CLIC4: variants seen among roughly 807,000 people sequenced by gnomAD.
CLIC4 encodes chloride intracellular channel protein 4.
A neutral mutation model predicts 24.6 loss-of-function variants in CLIC4; 13 were observed. The ratio of observed to expected loss-of-function variants is 0.53; its 90% confidence interval spans 0.34 to 0.84. The LOEUF (loss-of-function observed/expected upper bound fraction) is 0.84. Ranked by LOEUF, CLIC4 falls within the 40% of genes least tolerant of loss-of-function variation. The pLI, the probability that CLIC4 is intolerant of heterozygous loss-of-function variation, is 0.01. For synonymous variants in CLIC4, 104 were observed against 111.3 expected (o/e 0.93, Z 0.41); for missense variants, 227 against 301.7 (o/e 0.75, Z 1.83).
chr1:24,759,872 G>A (rs548804385), intron 1 of CLIC4, among the ~76,000 whole-genome samples: 3 of 152,136 alleles, frequency 2.0e-5, no homozygotes, highest in East Asian at 1.9e-4. Context: ...AGGATCACCT[G>A]AACCTTGGGA....
At chr1:24,801,088 G>T (rs201963708) in intron 2 of CLIC4, among the ~76,000 whole-genome samples, 2 of 115,900 alleles carry the variant, frequency 1.7e-5, no homozygotes, top group Non-Finnish European at 3.8e-5. Context: ...AAAAAAAAAA[G>T]AATAGTTGTA....
chr1:24,840,162 G>C, intron 5 of CLIC4, 121 bp downstream of exon 5: 1 of 886,340 alleles, frequency 1.1e-6, no homozygotes, highest in Non-Finnish European at 1.7e-6. Context: ...ACTCAATGCT[G>C]TTTAGGCAAT....
At position 24,842,328 on chromosome 1, in the gene CLIC4, C is replaced by CA. The variant is rs1432218796; in HGVS notation, c.*1395dup. 3 of 152,106 alleles carry CA rather than the reference C, an allele frequency of 2.0e-5. No individual in the cohort carries two copies. The highest frequency in any genetic ancestry group is 4.4e-5 in the Non-Finnish European group (3 of 68,000). 9.4% of individuals were successfully genotyped at this position (152,106 alleles called of 1,614,324 possible). The stretch of plus-strand genomic sequence containing the variant: ...TATGTATTTACTCTTTTTTAAAAGA[C>CA]AAAAGCAAAACCAGACTTTCTACGT... On this transcript the variant is annotated 3_prime_UTR_variant, in exon 6 of 6. Coordinates refer to ENST00000374379, the MANE Select transcript of CLIC4 (RefSeq NM_013943.3).
chr1:24,805,444 C>G (rs1489166145), intron 2 of CLIC4, among the ~76,000 whole-genome samples: 4 of 151,998 alleles, frequency 2.6e-5, no homozygotes, highest in Admixed American at 2.6e-4. Flanking sequence ...TTCTGGTTCT[C>G]TGGTGTTAAC....
intron 1 of CLIC4, among the ~76,000 whole-genome samples, chr1:24,790,848 A>G (rs1208498162): frequency 6.6e-6 from 1 of 152,148 alleles, no homozygotes; most frequent in Admixed American, 6.5e-5. Context: ...AAAAAGTTAT[A>G]TATATGTGAT....
At chr1:24,763,773 C>T (rs1159166796) in intron 1 of CLIC4, among the ~76,000 whole-genome samples, 1 of 152,118 alleles carries the variant, frequency 6.6e-6, no homozygotes, top group Non-Finnish European at 1.5e-5. Flanking sequence ...TGTAAATCTC[C>T]ATTTAAATGT....
In CLIC4 at chr1:24,780,956, G is replaced by A. The variant is rs187328968; in HGVS notation, c.73-16786G>A. On this transcript the variant is annotated intron_variant, in intron 1 of 5. Coordinates refer to ENST00000374379, the MANE Select transcript of CLIC4 (RefSeq NM_013943.3). ...TACAAAACTAGCTGGGCACGGTGGC[G>A]CATGCCTGTAATCCCAGCTACTCGG... 3.4e-3 allele frequency among the ~76,000 whole-genome samples: 510 copies of A among 151,632 alleles called. 1 individual carries two copies. The highest frequency in any genetic ancestry group is 4.5e-3 in the Non-Finnish European group (303 of 67,864).
At chr1:24,799,436 GA>G (rs767934383) in intron 2 of CLIC4, among the ~76,000 whole-genome samples, 2 of 150,562 alleles carry the variant, frequency 1.3e-5, no homozygotes, top group Non-Finnish European at 3.0e-5. Context: ...GAGAAGTGAG[GA>G]AGCCCCTCCG....
At chr1:24,796,282 G>C (rs539042388) in intron 1 of CLIC4, among the ~76,000 whole-genome samples, 2 of 152,074 alleles carry the variant, frequency 1.3e-5, no homozygotes, top group Non-Finnish European at 2.9e-5. Flanking sequence ...TCTGCCTCCC[G>C]GGTTCAAGCG....
chr1:24,752,735 T>A (rs561870789), intron 1 of CLIC4, among the ~76,000 whole-genome samples: 281 of 152,326 alleles, frequency 1.8e-3, no homozygotes, highest in Middle Eastern at 0.014. Flanking sequence ...TATTATTATT[T>A]TTTTTTGAGA....
intron 3 of CLIC4, among the ~76,000 whole-genome samples, chr1:24,823,997 C>A (rs949252427): frequency 3.9e-5 from 6 of 152,148 alleles, no homozygotes; most frequent in Non-Finnish European, 8.8e-5. Context: ...CTGTCATTGA[C>A]ACTTAGCCTT....
intron 3 of CLIC4, among the ~76,000 whole-genome samples, chr1:24,815,416 T>C (rs1571258660): frequency 6.6e-6 from 1 of 152,190 alleles, no homozygotes; most frequent in Middle Eastern, 3.4e-3. Flanking sequence ...GCAGGAGAAT[T>C]GCTTGAACCA....
rs144142616 is a variant in CLIC4 at position 24,779,110 on chromosome 1, T to G, written c.73-18632T>G. ...ACATTAAAAAAATAATTTTCTTAAA[T>G]CTACAAAGAATAGAAAAGAAAAACA... On this transcript the variant is annotated intron_variant, in intron 1 of 5. Transcript: ENST00000374379. 1.6e-3 allele frequency among the ~76,000 whole-genome samples: 242 copies of G among 152,228 alleles called. 1 individual carries two copies. Among genetic ancestry groups the G allele is most frequent in the African/African-American group, 5.4e-3 (226 of 41,534 alleles).
chr1:24,796,224 C>T (rs1287784152), intron 1 of CLIC4, among the ~76,000 whole-genome samples: 6 of 151,822 alleles, frequency 4.0e-5, no homozygotes, highest in African/African-American at 1.5e-4. Flanking sequence ...GAGTCTTGCT[C>T]CTTCGCTAGG....
intron 1 of CLIC4, among the ~76,000 whole-genome samples, chr1:24,746,744 C>G (rs945469167): frequency 3.9e-5 from 6 of 152,192 alleles, no homozygotes; most frequent in African/African-American, 1.4e-4. Context: ...CGCGGTGGCT[C>G]ATGCCTGTAA....
chr1:24,820,067 G>GTGTGTATGTATATATATA (rs1212033050), intron 3 of CLIC4, among the ~76,000 whole-genome samples: 1 of 36,472 alleles, frequency 2.7e-5, no homozygotes, highest in Non-Finnish European at 5.2e-5. Context: ...AAAAAAGTAT[G>GTGTGTATGTATATATATA]TATATATATA....
intron 3 of CLIC4, 113 bp from the exon 4 acceptor site, chr1:24,826,897 T>C: frequency 1.5e-6 from 1 of 649,270 alleles, no homozygotes; most frequent in South Asian, 2.2e-5. Flanking sequence ...ATGGTATTTC[T>C]TATAGTAATA....
In CLIC4 at chr1:24,782,096, C is replaced by A. The variant is rs1397950134; in HGVS notation, c.73-15646C>A. On this transcript the variant is annotated intron_variant, in intron 1 of 5. Transcript: ENST00000374379. ...CTTTGAAAACTACTGGAAGGTGAAT[C>A]ATCTCTCCCATTCAACATTTGAATG... 2.5e-4 allele frequency among the ~76,000 whole-genome samples: 38 copies of A among 152,148 alleles called. 1 individual carries two copies. The highest frequency in any genetic ancestry group is 2.5e-3 in the Admixed American group (38 of 15,268).
chr1:24,747,290 C>T (rs980343471), intron 1 of CLIC4, among the ~76,000 whole-genome samples: 3 of 151,692 alleles, frequency 2.0e-5, no homozygotes, highest in African/African-American at 4.8e-5. Context: ...AATCCCAGCA[C>T]TTTGGGAGGC....
Sources: gnomAD v4.1 joint callset for allele counts (sites outside exome capture counted in the v4.1 genomes callset) on GRCh38, gnomAD v4.1.1 for gene constraint, MANE v1.5 for transcripts, NCBI Gene and HGNC (gene_info 2026-07-23, HGNC 2026-07-21) for gene names.